Variants in TMEM178B observed in about 807,000 individuals in gnomAD.
TMEM178B encodes transmembrane protein 178B.
TMEM178B carries 5 observed loss-of-function variants against 31.0 expected under a neutral mutation model. That is an observed-to-expected ratio of 0.16 (90% CI 0.08 to 0.34). The LOEUF (loss-of-function observed/expected upper bound fraction) is 0.34, where lower values mean the gene tolerates loss of function less well. Among genes scored for constraint, TMEM178B ranks in the 10% least tolerant of loss-of-function variants. The pLI, the probability that TMEM178B is intolerant of heterozygous loss-of-function variation, is 1.00. For synonymous variants in TMEM178B, 164 were observed against 164.0 expected (o/e 1.00, Z 0.00); for missense variants, 275 against 400.3 (o/e 0.69, Z 2.67).
intron 2 of TMEM178B, among the ~76,000 whole-genome samples, chr7:141,411,215 A>G (rs572455097): frequency 2.0e-5 from 3 of 152,210 alleles, no homozygotes; most frequent in Admixed American, 2.0e-4. Flanking sequence ...CGAATAAAAT[A>G]AAAAAAGAAA....
chr7:141,373,177 A>G (rs1441656652), intron 2 of TMEM178B, among the ~76,000 whole-genome samples: 1 of 152,220 alleles, frequency 6.6e-6, no homozygotes, highest in Non-Finnish European at 1.5e-5. Context: ...AGTTCACAGC[A>G]TATTGGAAGT....
At chr7:141,175,747 G>A (rs1796423183) in intron 1 of TMEM178B, among the ~76,000 whole-genome samples, 1 of 152,084 alleles carries the variant, frequency 6.6e-6, no homozygotes, top group Non-Finnish European at 1.5e-5. Flanking sequence ...GTTCACTCAT[G>A]ATTTGGCTGT....
At chr7:141,506,382 A>C in the TMEM178B span, among the ~76,000 whole-genome samples, 2 of 152,214 alleles carry the variant, frequency 1.3e-5, no homozygotes. Context: ...TTACAGTTCC[A>C]CATGGCTGGG....
intron 1 of TMEM178B, among the ~76,000 whole-genome samples, chr7:141,129,235 A>T (rs561102410): frequency 8.3e-4 from 126 of 152,338 alleles, no homozygotes; most frequent in African/African-American, 2.9e-3. Context: ...TGAATGAACT[A>T]TTTATGATAG....
intron 2 of TMEM178B, among the ~76,000 whole-genome samples, chr7:141,322,862 C>T (rs1466632219): frequency 1.3e-5 from 2 of 152,134 alleles, no homozygotes; most frequent in Non-Finnish European, 2.9e-5. Flanking sequence ...CCCTAAACCC[C>T]CCTGCCCCAT....
chr7:141,180,916 T>A (rs1161433278), intron 1 of TMEM178B, among the ~76,000 whole-genome samples: 2 of 152,120 alleles, frequency 1.3e-5, no homozygotes, highest in African/African-American at 4.8e-5. Context: ...TGTTTCTAAA[T>A]CCCATTTAAA....
chr7:141,445,496 G>A (rs1439546260), intron 3 of TMEM178B, among the ~76,000 whole-genome samples: 2 of 152,158 alleles, frequency 1.3e-5, no homozygotes, highest in Non-Finnish European at 2.9e-5. Context: ...ATGTTTCAAA[G>A]TAATTAAAAG....
intron 1 of TMEM178B, among the ~76,000 whole-genome samples, chr7:141,122,781 C>T (rs1039179341): frequency 2.0e-5 from 3 of 152,008 alleles, no homozygotes; most frequent in Admixed American, 6.6e-5. Flanking sequence ...TCCCACTTTT[C>T]TTCTTTGTAA....
At chr7:141,495,099 TG>T in the TMEM178B span, among the ~76,000 whole-genome samples, 1 of 152,216 alleles carries the variant, frequency 6.6e-6, no homozygotes, top group East Asian at 1.9e-4. Flanking sequence ...TATAAGATCC[TG>T]ATTTTGGGAT....
At chr7:141,251,627 C>T (rs756366942) in intron 2 of TMEM178B, among the ~76,000 whole-genome samples, 8 of 152,110 alleles carry the variant, frequency 5.3e-5, no homozygotes, top group East Asian at 1.9e-4. Flanking sequence ...AGTCAAATAG[C>T]GACAGTAATA....
At chr7:141,085,150 ATTTTTTTTTT>A (rs61516388) in intron 1 of TMEM178B, among the ~76,000 whole-genome samples, 1 of 74,540 alleles carries the variant, frequency 1.3e-5, no homozygotes, top group Non-Finnish European at 2.6e-5. Context: ...GCTAATTTGT[ATTTTTTTTTT>A]TTTTTTTTTT....
chr7:141,147,669 C>A (rs1281950161), intron 1 of TMEM178B, among the ~76,000 whole-genome samples: 1 of 152,054 alleles, frequency 6.6e-6, no homozygotes, highest in African/African-American at 2.4e-5. Context: ...CCCTAAGGAG[C>A]CCCACGTGGG....
At chr7:141,090,389 AT>A (rs1794862300) in intron 1 of TMEM178B, among the ~76,000 whole-genome samples, 1 of 151,944 alleles carries the variant, frequency 6.6e-6, no homozygotes, top group Non-Finnish European at 1.5e-5. Context: ...ATATCCAACT[AT>A]TTCCTCAGCA....
At chr7:141,125,761 G>T (rs1586783701) in intron 1 of TMEM178B, among the ~76,000 whole-genome samples, 1 of 152,026 alleles carries the variant, frequency 6.6e-6, no homozygotes, top group Non-Finnish European at 1.5e-5. Context: ...ACCGGAAAAT[G>T]AAGTTGTAGT....
At chr7:141,409,670 G>T (rs1425293019) in intron 2 of TMEM178B, among the ~76,000 whole-genome samples, 1 of 151,960 alleles carries the variant, frequency 6.6e-6, no homozygotes, top group Non-Finnish European at 1.5e-5. Context: ...TCAAGAAAGA[G>T]AACAGCAAGA....
At chr7:141,494,491 G>A in the TMEM178B span, among the ~76,000 whole-genome samples, 1 of 152,274 alleles carries the variant, frequency 6.6e-6, no homozygotes, top group African/African-American at 2.4e-5. Flanking sequence ...AGACAAATCT[G>A]AGACTTGAAC....
At chr7:141,409,604 T>C (rs1011209285) in intron 2 of TMEM178B, among the ~76,000 whole-genome samples, 9 of 152,182 alleles carry the variant, frequency 5.9e-5, no homozygotes, top group African/African-American at 2.2e-4. Context: ...CTGGGAGAGA[T>C]GATATGGTTG....
chr7:141,162,795 A>G (rs146421524), intron 1 of TMEM178B, among the ~76,000 whole-genome samples: 67 of 152,330 alleles, frequency 4.4e-4, no homozygotes, highest in African/African-American at 1.6e-3. Flanking sequence ...TGAAGAATAA[A>G]GCTCCAGAGA....
At chr7:141,085,927 G>A (rs775131019) in intron 1 of TMEM178B, among the ~76,000 whole-genome samples, 5 of 151,910 alleles carry the variant, frequency 3.3e-5, no homozygotes, top group African/African-American at 1.2e-4. Flanking sequence ...GTTTGTGACG[G>A]TATCACAAAA....
Sources: allele counts gnomAD v4.1 joint callset (sites outside exome capture counted in the v4.1 genomes callset), GRCh38; gene constraint gnomAD v4.1.1; transcripts MANE v1.5; gene names NCBI Gene and HGNC (gene_info 2026-07-23, HGNC 2026-07-21).